Variants in TMTC3 observed in about 807,000 individuals in gnomAD.
TMTC3 encodes transmembrane O-mannosyltransferase targeting cadherins 3, also known as protein O-mannosyl-transferase TMTC3.
TMTC3 carries 52 observed loss-of-function variants against 92.2 expected under a neutral mutation model. The ratio of observed to expected loss-of-function variants is 0.56; its 90% CI spans 0.45 to 0.71. The LOEUF is 0.71. TMTC3 is among the 30% of genes least tolerant of loss of function. TMTC3 has a pLI of 0.00. For missense variants in TMTC3, 896 were observed against 1,057.1 expected (o/e 0.85, Z 2.11); for synonymous variants, 339 against 363.3 (o/e 0.93, Z 0.76).
intron 3 of TMTC3, 90 bp from the exon 4 acceptor site, chr12:88,154,198 T>G (rs1037363664): frequency 4.4e-6 from 4 of 919,322 alleles, no homozygotes. Flanking sequence ...CTTGAAAAGT[T>G]ACGGAAATTA....
At chr12:88,166,990 CA>C (rs2041150894) in intron 7 of TMTC3, among the ~76,000 whole-genome samples, 1 of 92,438 alleles carries the variant, frequency 1.1e-5, no homozygotes, top group South Asian at 4.9e-4. Context: ...ATTATTTGAA[CA>C]GTTTTTTTTT....
Position 88,153,329 on chromosome 12 carries a change from G to C in TMTC3, c.228G>C (p.Leu76Phe), listed in dbSNP as rs2040966081. 1.9e-6 allele frequency: 3 copies of C among 1,613,108 alleles called. No individual in the cohort carries two copies. Among genetic ancestry groups the C allele is most frequent in the Non-Finnish European group, 2.5e-6 (3 of 1,179,628 alleles). Reference protein sequence around the residue: ...SHKSYRPLTVLTFRLNYLLSE... With the variant: ...SHKSYRPLTVFTFRLNYLLSE... ...AGTCTTACCGTCCCTTAACAGTATT[G>C]ACATTTCGCTTAAATTATTTGTTAA... Residue 76 changes from leucine to phenylalanine, a missense_variant, in exon 3 of 14, where the codon TTG becomes TTC. Leu to Phe is a conservative substitution (Grantham distance 22, BLOSUM62 0). Transcript: ENST00000266712.
intron 1 of TMTC3, among the ~76,000 whole-genome samples, chr12:88,145,421 G>A (rs2040860936): frequency 6.6e-6 from 1 of 152,148 alleles, no homozygotes; most frequent in African/African-American, 2.4e-5. Context: ...ATTGTATTTA[G>A]TTTTGTATAT....
chr12:88,156,904 C>T (rs1457688871), intron 4 of TMTC3, among the ~76,000 whole-genome samples: 1 of 150,002 alleles, frequency 6.7e-6, no homozygotes, highest in Non-Finnish European at 1.5e-5. Context: ...AAAGGACCAA[C>T]AGGTCAAGCT....
In TMTC3 at chr12:88,170,362, A is replaced by G. The variant is rs534240400; in HGVS notation, c.1051-2235A>G. Reference sequence around the variant, plus strand: ...TATAATTTTTTTTTCAATGAACTACATACATATTCAGGAACTTTTCTTTAT... The same window carrying G: ...TATAATTTTTTTTTCAATGAACTACGTACATATTCAGGAACTTTTCTTTAT... On this transcript the variant is annotated intron_variant, in intron 7 of 13. Transcript: ENST00000266712. 5.9e-5 allele frequency among the ~76,000 whole-genome samples: 9 copies of G among 152,272 alleles called. 1 individual carries two copies. Among genetic ancestry groups the G allele is most frequent in the African/African-American group, 2.2e-4 (9 of 41,574 alleles).
intron 2 of TMTC3, among the ~76,000 whole-genome samples, chr12:88,149,546 A>G (rs998603470): frequency 2.6e-5 from 4 of 152,164 alleles, no homozygotes; most frequent in South Asian, 2.1e-4. Flanking sequence ...AACATAAGTC[A>G]TTTAAGGTCT....
intron 8 of TMTC3, among the ~76,000 whole-genome samples, chr12:88,174,079 A>C (rs2041233356): frequency 6.6e-6 from 1 of 152,172 alleles, no homozygotes; most frequent in Non-Finnish European, 1.5e-5. Context: ...TAATTAACCT[A>C]AAGTTGTATA....
chr12:88,188,620 G>A (rs561560626), intron 10 of TMTC3, among the ~76,000 whole-genome samples: 1 of 152,126 alleles, frequency 6.6e-6, no homozygotes, highest in South Asian at 2.1e-4. Context: ...GTATACCATT[G>A]GTTTTAAGTT....
At chr12:88,190,336 T>G in intron 11 of TMTC3, 117 bp from the exon 12 acceptor site, 1 of 849,834 alleles carries the variant, frequency 1.2e-6, no homozygotes, top group Non-Finnish European at 1.8e-6. Flanking sequence ...GATCTCTCAG[T>G]CCAGTGTATT....
At chr12:88,168,936 G>A (rs1243758439) in intron 7 of TMTC3, among the ~76,000 whole-genome samples, 1 of 152,184 alleles carries the variant, frequency 6.6e-6, no homozygotes, top group Non-Finnish European at 1.5e-5. Context: ...GGGAGCACAG[G>A]TTTGGCCTGA....
At position 88,195,663 on chromosome 12, in the gene TMTC3, C is replaced by G. The variant is rs367600877; in HGVS notation, c.*14C>G. ...AATGGTGAATAACATTAATATTTAT[C>G]GTGACAATGGTATCAAAGAACATCA... On this transcript the variant is annotated 3_prime_UTR_variant, in exon 14 of 14. Coordinates refer to ENST00000266712, the MANE Select transcript of TMTC3 (RefSeq NM_181783.4). 7.7e-6 allele frequency: 12 copies of G among 1,561,248 alleles called. No individual in the cohort carries two copies. The highest frequency in any genetic ancestry group is 1.0e-5 in the Non-Finnish European group (12 of 1,156,344).
chr12:88,192,812 A>G lies in TMTC3; in HGVS notation c.1915A>G (p.Ile639Val), dbSNP rs759999601. ...TAAACTAGCATTATTCAACTCTGCT[A>G]TAGTAATGCAAGAATCAGGTATGTT... Reference protein sequence around the residue: ...KHKLALFNSAIVMQESGEVKL... With the variant: ...KHKLALFNSAVVMQESGEVKL... The change falls in exon 13 of 14, where the codon ATA becomes GTA. Residue 639 changes from isoleucine to valine, a missense_variant. Ile to Val is a conservative substitution (Grantham distance 29). Coordinates refer to ENST00000266712, the MANE Select transcript of TMTC3 (RefSeq NM_181783.4). 11 of 1,609,542 alleles carry G rather than the reference A, an allele frequency of 6.8e-6. No individual in the cohort carries two copies. The highest frequency in any genetic ancestry group is 9.3e-6 in the Non-Finnish European group (11 of 1,177,986).
chr12:88,156,809 G>GTTT (rs1478086150), intron 4 of TMTC3, among the ~76,000 whole-genome samples: 1 of 96,874 alleles, frequency 1.0e-5, no homozygotes, highest in Non-Finnish European at 2.4e-5. Context: ...GTGTGTGTGT[G>GTTT]TGTTTTTTTT....
rs889291895 is a variant in TMTC3, at chr12:88,199,380, T to C, written c.*3731T>C. ...AGAGGATTTATATATTTATATGATA[T>C]ATTGTATATATTAATATATTTAAAT... On this transcript the variant is annotated 3_prime_UTR_variant, in exon 14 of 14. Coordinates refer to ENST00000266712, the MANE Select transcript of TMTC3 (RefSeq NM_181783.4). 6.7e-6 allele frequency: 1 copy of C among 148,410 alleles called. No homozygotes were observed. The highest frequency in any genetic ancestry group is 1.5e-5 in the Non-Finnish European group (1 of 67,846). 9.2% of individuals were successfully genotyped at this position (148,410 alleles called of 1,614,324 possible).
chr12:88,164,433 T>A (rs2041120278), intron 6 of TMTC3, among the ~76,000 whole-genome samples: 1 of 152,054 alleles, frequency 6.6e-6, no homozygotes, highest in Non-Finnish European at 1.5e-5. Flanking sequence ...CTAAACTCTT[T>A]CCAGAAAAAG....
At chr12:88,145,662 G>C (rs760733512) in intron 1 of TMTC3, among the ~76,000 whole-genome samples, 3 of 152,136 alleles carry the variant, frequency 2.0e-5, no homozygotes, top group South Asian at 2.1e-4. Context: ...GGTAATCTAT[G>C]TGTTGCAAGA....
chr12:88,144,056 G>C (rs1018593452), intron 1 of TMTC3, among the ~76,000 whole-genome samples: 2 of 152,208 alleles, frequency 1.3e-5, no homozygotes, highest in Non-Finnish European at 2.9e-5. Context: ...CAGTGAGAAC[G>C]AGCAGACGTC....
Position 88,190,563 on chromosome 12 carries a change from T to C in TMTC3, c.1647T>C (p.Asp549=). ...ATGAGTCCCGACTGGAAGAAGCAGA[T>C]CAGCTGTACCGTCAAGCAATAAGCA... The part of the protein sequence containing the change: ...RANESRLEEA[D]QLYRQAISMR... Residue 549 remains aspartate, a synonymous_variant, in exon 12 of 14, where the codon GAT becomes GAC. Transcript: ENST00000266712. 1.9e-6 allele frequency: 3 copies of C among 1,613,922 alleles called. No homozygotes were observed. The highest frequency in any genetic ancestry group is 2.5e-6 in the Non-Finnish European group (3 of 1,179,926).
chr12:88,199,413 A>C lies in TMTC3; in HGVS notation c.*3764A>C, dbSNP rs78447159. On this transcript the variant is annotated 3_prime_UTR_variant, in exon 14 of 14. Transcript: ENST00000266712. ...ATATTAATATATTTAAATTGCTTAG[A>C]GTTTCTAGCACATAGCAAATAATAA... 1,237 of 151,830 alleles carry C rather than the reference A, an allele frequency of 8.1e-3. 20 individuals carry two copies. The highest frequency in any genetic ancestry group is 0.029 in the African/African-American group (1,189 of 41,472). The allele number at this position is 151,830 out of a possible 1,614,324, so 9.4% of individuals were successfully genotyped here.
Sources: gnomAD v4.1 joint callset for allele counts (sites outside exome capture counted in the v4.1 genomes callset) on GRCh38, gnomAD v4.1.1 for gene constraint, MANE v1.5 for transcripts, NCBI Gene and HGNC (gene_info 2026-07-23, HGNC 2026-07-21) for gene names.